DGCR2: variants seen among roughly 807,000 people sequenced by gnomAD.
DGCR2 encodes the protein integral membrane protein DGCR2/IDD.
Under a neutral mutation model 51.6 loss-of-function variants are expected in DGCR2, and 24 were observed. The ratio of observed to expected loss-of-function variants is 0.47; its 90% confidence interval spans 0.34 to 0.65. The LOEUF (loss-of-function observed/expected upper bound fraction) is 0.65. Ranked by LOEUF, DGCR2 falls within the 30% of genes least tolerant of loss-of-function variation. The pLI is 0.01. For synonymous variants in DGCR2, 340 were observed against 315.4 expected (o/e 1.08, Z -0.82); for missense variants, 765 against 772.1 (o/e 0.99, Z 0.11).
At chr22:19,118,383 A>C (rs933652904) in intron 1 of DGCR2, among the ~76,000 whole-genome samples, 2 of 150,862 alleles carry the variant, frequency 1.3e-5, no homozygotes, top group African/African-American at 4.9e-5. Context: ...ACAAAAAAAA[A>C]AAAAAAAAAA....
intron 7 of DGCR2, among the ~76,000 whole-genome samples, chr22:19,045,674 C>CT (rs1179532147): frequency 6.6e-6 from 1 of 152,198 alleles, no homozygotes; most frequent in Non-Finnish European, 1.5e-5. Context: ...ATCCTCTTGC[C>CT]TCAGACTCCC....
chr22:19,063,058 G>C (rs867033396), intron 5 of DGCR2, 144 bp downstream of exon 5: 19 of 713,538 alleles, frequency 2.7e-5, no homozygotes, highest in Non-Finnish European at 4.1e-5. Context: ...CATGACCGCA[G>C]CCCTCCCTGC....
intron 2 of DGCR2, among the ~76,000 whole-genome samples, chr22:19,082,732 G>C (rs1184598398): frequency 6.6e-6 from 1 of 151,286 alleles, no homozygotes. Flanking sequence ...CCTCCAGCCT[G>C]GGTGACAGAG....
chr22:19,076,306 A>T (rs1407937216), intron 2 of DGCR2, among the ~76,000 whole-genome samples: 1 of 148,010 alleles, frequency 6.8e-6, no homozygotes, highest in African/African-American at 2.7e-5. Flanking sequence ...GATTACAGGC[A>T]TGCATCACCA....
At chr22:19,111,658 G>C (rs2083315303) in intron 1 of DGCR2, among the ~76,000 whole-genome samples, 1 of 152,078 alleles carries the variant, frequency 6.6e-6, no homozygotes, top group East Asian at 1.9e-4. Flanking sequence ...CTCAGCCCCT[G>C]CTTCAGACAG....
intron 8 of DGCR2, 84 bp from the exon 9 acceptor site, chr22:19,041,378 C>G: frequency 7.2e-7 from 1 of 1,395,990 alleles, no homozygotes; most frequent in Non-Finnish European, 1.0e-6. Context: ...CACCCCCAGG[C>G]TGGGCCTGCC....
chr22:19,117,444 C>T (rs1417810295), intron 1 of DGCR2, among the ~76,000 whole-genome samples: 1 of 152,234 alleles, frequency 6.6e-6, no homozygotes, highest in Non-Finnish European at 1.5e-5. Flanking sequence ...GACCTTCCCA[C>T]GTGACACAGG....
intron 1 of DGCR2, 135 bp from the exon 2 acceptor site, chr22:19,089,625 G>A: frequency 9.3e-7 from 1 of 1,074,400 alleles, no homozygotes; most frequent in Non-Finnish European, 1.2e-6. Flanking sequence ...TGTCACCCAG[G>A]CTGGAGTGCC....
intron 1 of DGCR2, among the ~76,000 whole-genome samples, chr22:19,108,572 A>T (rs1284641834): frequency 7.0e-4 from 6 of 8,534 alleles, no homozygotes; most frequent in Admixed American, 1.3e-3. Flanking sequence ...ATTTATCTAA[A>T]AAAAAAAAAA....
At chr22:19,080,795 C>A (rs1423188745) in intron 2 of DGCR2, among the ~76,000 whole-genome samples, 1 of 152,154 alleles carries the variant, frequency 6.6e-6, no homozygotes, top group Non-Finnish European at 1.5e-5. Context: ...GTGGTTTCAC[C>A]ACTGTACTCC....
rs1425427909 is a variant in DGCR2, at chr22:19,122,309, G to A, written c.-103C>T. ...CGGAGGGTCAGGCGGAGCTGAACCT[G>A]GGCGAGGCGCGGAGAGGCGGCGGGA... On this transcript the variant is annotated 5_prime_UTR_variant, in exon 1 of 10. Coordinates refer to ENST00000263196, the MANE Select transcript of DGCR2 (RefSeq NM_005137.3). 1.0e-6 allele frequency: 1 copy of A among 963,854 alleles called. No individual in the cohort carries two copies. Among genetic ancestry groups the A allele is most frequent in the Middle Eastern group, 3.3e-4 (1 of 3,022 alleles). The allele number at this position is 963,854 out of a possible 1,614,324, so 59.7% of individuals were successfully genotyped here.
intron 1 of DGCR2, among the ~76,000 whole-genome samples, chr22:19,106,217 A>T (rs1016570036): frequency 3.3e-5 from 5 of 152,298 alleles, no homozygotes; most frequent in African/African-American, 1.2e-4. Context: ...ACTTCCACGG[A>T]GGTGATGAGG....
At chr22:19,111,860 A>AT (rs953903995) in intron 1 of DGCR2, among the ~76,000 whole-genome samples, 28 of 89,384 alleles carry the variant, frequency 3.1e-4, no homozygotes, top group East Asian at 1.2e-3. Flanking sequence ...TTATTTATTT[A>AT]TTTTTTTTTG....
At chr22:19,121,218 C>CTT (rs1313766183) in intron 1 of DGCR2, among the ~76,000 whole-genome samples, 1 of 152,164 alleles carries the variant, frequency 6.6e-6, no homozygotes, top group Non-Finnish European at 1.5e-5. Context: ...TGCTTTTTCA[C>CTT]TGTATTAGTA....
chr22:19,041,071 G>A lies in DGCR2; in HGVS notation c.1383C>T (p.Phe461=). ...GGAGTCAGGCACCTGCAGGGTCATAGAACACACTGTCCGGGTGGATGGAGG... is the reference window on the plus strand; with the variant it reads ...GGAGTCAGGCACCTGCAGGGTCATAAAACACACTGTCCGGGTGGATGGAGG... ...YEASIHPDSV[F]YDPADDDAFE... The change falls in exon 9 of 10, where the codon TTC becomes TTT. Residue 461 remains phenylalanine, a synonymous_variant. Coordinates refer to ENST00000263196, the MANE Select transcript of DGCR2 (RefSeq NM_005137.3). The A allele has an allele frequency of 6.2e-7, 1 of 1,604,772 alleles. No homozygotes were observed. The highest frequency in any genetic ancestry group is 1.3e-5 in the African/African-American group (1 of 74,960).
chr22:19,057,003 G>A lies in DGCR2; in HGVS notation c.785C>T (p.Ser262Leu), dbSNP rs1370413426. 3 of 1,588,274 alleles carry A rather than the reference G, an allele frequency of 1.9e-6. No individual in the cohort carries two copies. The highest frequency in any genetic ancestry group is 2.6e-6 in the Non-Finnish European group (3 of 1,166,940). ...GGGCTTACTTCTTTTACACAGAAAT[G>A]AAGACTTCTCGTAGCAGCTCTCGGC... ...WHAESCYEKS[S>L]FLCKRSQTCV... Residue 262 changes from serine (S) to leucine (L), a missense_variant, in exon 6 of 10, where the codon TCA becomes TTA. Coordinates refer to ENST00000263196, the MANE Select transcript of DGCR2 (RefSeq NM_005137.3). This position sits in a 1 kb window ranked among gnomAD's most constrained non-coding sequence, Gnocchi z 5.1.
intron 3 of DGCR2, among the ~76,000 whole-genome samples, chr22:19,066,232 T>C (rs924182484): frequency 6.6e-6 from 1 of 152,008 alleles, no homozygotes; most frequent in African/African-American, 2.4e-5. Flanking sequence ...AAACCCCCTA[T>C]CTACCGAAAA....
rs1374022103 is a variant in DGCR2, at chr22:19,057,250, GATC to G, written c.626-91_626-89del. On this transcript the variant is annotated intron_variant, in intron 5 of 9. Transcript: ENST00000263196. The surrounding 1 kb of genome is among the most constrained non-coding windows in gnomAD (Gnocchi z 5.1). The stretch of plus-strand genomic sequence containing the variant: ...TCAAGGGGACCATGGCGTCAGACAG[GATC>G]ATCAACCACAGGGCCTGGACCGCCA... 7.3e-7 allele frequency: 1 copy of G among 1,370,792 alleles called. No homozygotes were observed. Among genetic ancestry groups the G allele is most frequent in the African/African-American group, 1.5e-5 (1 of 68,514 alleles). The allele number at this position is 1,370,792 out of a possible 1,614,324, so 84.9% of individuals were successfully genotyped here. A position where few individuals can be genotyped will look rare whatever the true frequency, so the allele number is the denominator to read the frequency against.
intron 1 of DGCR2, among the ~76,000 whole-genome samples, chr22:19,117,982 C>T (rs2083391083): frequency 6.6e-6 from 1 of 152,210 alleles, no homozygotes; most frequent in South Asian, 2.1e-4. Context: ...ACCTCTCCAG[C>T]TACTTCTGAA....
Sources: gnomAD v4.1 joint callset for allele counts (sites outside exome capture counted in the v4.1 genomes callset) on GRCh38, gnomAD v4.1.1 for gene constraint, Gnocchi (gnomAD v3.1) non-coding constraint, MANE v1.5 for transcripts, NCBI Gene and HGNC (gene_info 2026-07-23, HGNC 2026-07-21) for gene names.